The following USP32 variants were observed in gnomAD, a reference collection of about 807,000 sequenced individuals.
USP32 encodes the protein ubiquitin carboxyl-terminal hydrolase 32.
Under a neutral mutation model 204.8 loss-of-function variants are expected in USP32, and 59 were observed. That is an observed-to-expected ratio of 0.29 (90% confidence interval 0.23 to 0.36). The LOEUF (loss-of-function observed/expected upper bound fraction) is 0.36. USP32 is among the 10% of genes least tolerant of loss of function. The probability of loss-of-function intolerance (pLI) is 1.00; values close to 1 mark genes in which losing one functional copy is unlikely to be tolerated. For synonymous variants in USP32, 517 were observed against 678.4 expected, an observed-to-expected ratio of 0.76 and a Z score of 3.70; for missense variants, 1,160 against 1,946.4, an observed-to-expected ratio of 0.60 and a Z score of 7.60.
At chr17:60,385,111 T>G (rs1012299894) in intron 1 of USP32, among the ~76,000 whole-genome samples, 2 of 152,340 alleles carry the variant, frequency 1.3e-5, no homozygotes, top group East Asian at 3.9e-4. Flanking sequence ...ATTCCACCAT[T>G]GTGATTTATT....
chr17:60,421,664 G>C, intron 1 of USP32: 1 of 910,964 alleles, frequency 1.1e-6, no homozygotes, highest in Non-Finnish European at 1.3e-6. Flanking sequence ...CGCTGCTGCC[G>C]CGCCAGGGGC....
At chr17:60,291,804 C>T (rs1362040204) in intron 4 of USP32, among the ~76,000 whole-genome samples, 2 of 152,098 alleles carry the variant, frequency 1.3e-5, no homozygotes, top group African/African-American at 4.8e-5. Context: ...ATGAGCTTCA[C>T]ATTTCTTTGA....
chr17:60,312,656 A>G (rs930805846), intron 2 of USP32, among the ~76,000 whole-genome samples: 1 of 151,674 alleles, frequency 6.6e-6, no homozygotes, highest in African/African-American at 2.4e-5. Flanking sequence ...TGCCCAGGCT[A>G]AAAAATTTAT....
chr17:60,326,278 C>T (rs569809197), intron 2 of USP32, among the ~76,000 whole-genome samples: 19 of 151,474 alleles, frequency 1.3e-4, no homozygotes, highest in Admixed American at 8.6e-4. Flanking sequence ...AACCTGATTT[C>T]GGGTCCTTAT....
intron 5 of USP32, among the ~76,000 whole-genome samples, chr17:60,276,254 A>C (rs960014598): frequency 6.6e-6 from 1 of 152,076 alleles, no homozygotes; most frequent in Admixed American, 6.6e-5. Context: ...ACTCATACTA[A>C]AGAATGCTGT....
At chr17:60,314,303 G>T (rs2145924657) in intron 2 of USP32, among the ~76,000 whole-genome samples, 1 of 151,556 alleles carries the variant, frequency 6.6e-6, no homozygotes, top group African/African-American at 2.4e-5. Context: ...CACTACTCCT[G>T]GCTAATTTTG....
chr17:60,185,031 T>A (rs1361174538), intron 30 of USP32, among the ~76,000 whole-genome samples: 1 of 152,130 alleles, frequency 6.6e-6, no homozygotes, highest in Non-Finnish European at 1.5e-5. Flanking sequence ...CACACTCAAC[T>A]CAGTAGTGTG....
At chr17:60,265,606 C>T in intron 8 of USP32, 132 bp from the exon 9 acceptor site, 1 of 636,222 alleles carries the variant, frequency 1.6e-6, no homozygotes, top group Non-Finnish European at 2.7e-6. Flanking sequence ...TTACGTTGCC[C>T]AGGATTATCT....
intron 1 of USP32, among the ~76,000 whole-genome samples, chr17:60,357,223 G>A (rs1007224557): frequency 6.6e-6 from 1 of 152,188 alleles, no homozygotes; most frequent in African/African-American, 2.4e-5. Flanking sequence ...GGTCCAGGTG[G>A]GAGGACAGCT....
At chr17:60,180,389 T>C (rs1209138283) in intron 33 of USP32, among the ~76,000 whole-genome samples, 156 bp downstream of exon 33, 1 of 152,248 alleles carries the variant, frequency 6.6e-6, no homozygotes, top group Non-Finnish European at 1.5e-5. Context: ...ACTCTGCATA[T>C]AACTTTTGTT....
upstream of USP32, among the ~76,000 whole-genome samples, chr17:60,393,071 C>T (rs775017109): frequency 7.2e-5 from 11 of 152,164 alleles, no homozygotes; most frequent in Non-Finnish European, 1.5e-4. Context: ...CATTTCCCAC[C>T]GTTTTTCATC....
chr17:60,235,387 T>C (rs1264383382), intron 12 of USP32, among the ~76,000 whole-genome samples: 5 of 152,172 alleles, frequency 3.3e-5, no homozygotes, highest in African/African-American at 1.2e-4. Flanking sequence ...CCAATTAATA[T>C]ATTTTACATG....
chr17:60,255,261 G>T lies in USP32; in HGVS notation c.991-3C>A. On this transcript the variant is annotated splice_region_variant and splice_polypyrimidine_tract_variant and intron_variant, in intron 9 of 33. Coordinates refer to ENST00000300896, the MANE Select transcript of USP32 (RefSeq NM_032582.4). ...TCTTCCAGAGTAAGATGACCCATCT[G>T]AAACAGAGACACTCATGTTAGGAAC... The T allele has an allele frequency of 1.3e-6, 2 of 1,563,406 alleles. No individual in the cohort carries two copies. The highest frequency in any genetic ancestry group is 1.7e-6 in the Non-Finnish European group (2 of 1,145,984).
At chr17:60,202,116 A>G (rs2084692652) in intron 26 of USP32, among the ~76,000 whole-genome samples, 1 of 152,078 alleles carries the variant, frequency 6.6e-6, no homozygotes. Flanking sequence ...GTAGGTGCCA[A>G]GTTTCATATG....
At chr17:60,283,062 T>C (rs752620402) in intron 5 of USP32, among the ~76,000 whole-genome samples, 33 of 152,220 alleles carry the variant, frequency 2.2e-4, no homozygotes, top group South Asian at 1.7e-3. Flanking sequence ...AATAGTAAAA[T>C]AAATTAACTC....
intron 3 of USP32, among the ~76,000 whole-genome samples, chr17:60,299,523 C>G (rs1191511688): frequency 6.6e-6 from 1 of 152,232 alleles, no homozygotes; most frequent in East Asian, 1.9e-4. Flanking sequence ...CCTGAGATAA[C>G]AGCATTCATT....
intron 18 of USP32, 36 bp from the exon 19 acceptor site, chr17:60,212,134 C>T: frequency 1.3e-6 from 2 of 1,520,440 alleles, no homozygotes; most frequent in Non-Finnish European, 1.8e-6. Flanking sequence ...AATTTCTTAT[C>T]TATCTAATTT....
chr17:60,405,896 T>C (rs2089971622), intron 1 of USP32, among the ~76,000 whole-genome samples: 2 of 152,206 alleles, frequency 1.3e-5, no homozygotes, highest in Non-Finnish European at 2.9e-5. Flanking sequence ...AGCTCACTCC[T>C]GTAATCCAGC....
chr17:60,183,059 G>T (rs921097048), intron 31 of USP32, 106 bp downstream of exon 31: 2 of 1,455,290 alleles, frequency 1.4e-6, no homozygotes, highest in African/African-American at 1.4e-5. Flanking sequence ...TTCCAGATAG[G>T]TTCTTTCCAC....
Sources: allele counts gnomAD v4.1 joint callset (sites outside exome capture counted in the v4.1 genomes callset), GRCh38; gene constraint gnomAD v4.1.1; transcripts MANE v1.5; gene names NCBI Gene and HGNC (gene_info 2026-07-23, HGNC 2026-07-21).